CYP4F2: variants seen among roughly 807,000 people sequenced by gnomAD.
CYP4F2 encodes cytochrome P450 family 4 subfamily F member 2, also known as cytochrome P450 4F2.
In CYP4F2, 58 loss-of-function variants were observed where a neutral mutation model predicts 58.9. That is an observed-to-expected ratio of 0.98 (90% CI 0.80 to 1.23). The LOEUF is 1.23. CYP4F2 is among the 50% of genes most tolerant of loss of function. CYP4F2 has a pLI of 0.00. For missense variants in CYP4F2, 616 were observed against 685.6 expected (o/e 0.90, Z 1.13); for synonymous variants, 287 against 261.1 (o/e 1.10, Z -0.95).
intron 5 of CYP4F2, 136 bp from the exon 6 acceptor site, chr19:15,890,569 A>G (rs1337239513): frequency 7.3e-7 from 1 of 1,374,712 alleles, no homozygotes; most frequent in South Asian, 1.4e-5. Flanking sequence ...AGGGAGCACC[A>G]GGTTATGGTG....
Position 15,884,429 on chromosome 19 carries a change from T to A in CYP4F2, c.1115+1495A>T, listed in dbSNP as rs3093178. On this transcript the variant is annotated intron_variant, in intron 9 of 12. Transcript: ENST00000221700. ...CCTAGCACTTGATAGATCAGTGGGT[T>A]CACTATAGTTTACGATATGTACTGT... Among the ~76,000 whole-genome samples the A allele has an allele frequency of 3.5e-3, 528 of 152,304 alleles. 2 individuals are homozygous for A. Among genetic ancestry groups the A allele is most frequent in the African/African-American group, 0.012 (512 of 41,562 alleles).
Position 15,894,059 on chromosome 19 carries a change from G to C in CYP4F2, c.343+1447C>G, listed in dbSNP as rs2089433697. Among the ~76,000 whole-genome samples the C allele has an allele frequency of 2.6e-5, 4 of 152,288 alleles. No individual in the cohort carries two copies. The South Asian group carries it at 8.3e-4, about 32-fold the overall frequency. On this transcript the variant is annotated intron_variant, in intron 3 of 12. Coordinates refer to ENST00000221700, the MANE Select transcript of CYP4F2 (RefSeq NM_001082.5). ...CCATGCAGGACTCTCCAGTCCTTCA[G>C]TTACACAGACAGAAAAGGTCTTTCC... is the stretch of plus-strand genomic sequence containing the variant.
At chr19:15,885,555 G>C (rs1371733198) in intron 9 of CYP4F2, among the ~76,000 whole-genome samples, 1 of 152,166 alleles carries the variant, frequency 6.6e-6, no homozygotes, top group African/African-American at 2.4e-5. Context: ...GACTCGACTG[G>C]AGAGTAGGAA....
rs191783286 is a variant in CYP4F2, at chr19:15,895,908, G to A, written c.199-258C>T. On this transcript the variant is annotated intron_variant, in intron 2 of 12. Transcript: ENST00000221700. ...ATCATCTATTAATAGCCATCTATCCGTCTAATCTATCCATCATATATATCT... is the reference window on the plus strand; with the variant it reads ...ATCATCTATTAATAGCCATCTATCCATCTAATCTATCCATCATATATATCT... 4.8e-3 allele frequency among the ~76,000 whole-genome samples: 495 copies of A among 103,078 alleles called. 7 individuals are homozygous for A. The highest frequency in any genetic ancestry group is 0.012 in the African/African-American group (296 of 24,832). The allele number at this position is 103,078 out of a possible 152,430, so 67.6% of individuals were successfully genotyped here.
chr19:15,886,207 C>A, intron 8 of CYP4F2, 35 bp downstream of exon 8: 1 of 1,613,562 alleles, frequency 6.2e-7, no homozygotes. Flanking sequence ...GGAGAGATCC[C>A]GGTCCCCTCT....
intron 3 of CYP4F2, 23 bp downstream of exon 3, chr19:15,895,483 C>T: frequency 6.8e-7 from 1 of 1,480,980 alleles, no homozygotes; most frequent in East Asian, 2.7e-5. Context: ...ATGCACTGCC[C>T]CACCAGCTGT....
In CYP4F2 at chr19:15,879,607, A is replaced by G. The variant is rs1041830769; in HGVS notation, c.1311T>C (p.Pro437=). Residue 437 remains proline, a synonymous_variant, in exon 11 of 13, where the codon CCT becomes CCC. Transcript: ENST00000221700. Reference sequence around the variant, plus strand: ...AACAGAGAGAGGGGCCCCGCACCTCAGGGTCCGGCCACACAGCTGGGTTGT... The same window carrying G: ...AACAGAGAGAGGGGCCCCGCACCTCGGGGTCCGGCCACACAGCTGGGTTGT... ...THHNPAVWPD[P]EVYDPFRFDP... 6.2e-7 allele frequency: 1 copy of G among 1,614,022 alleles called. No individual in the cohort carries two copies. The highest frequency in any genetic ancestry group is 1.3e-5 in the African/African-American group (1 of 74,936).
chr19:15,895,588 G>A lies in CYP4F2; in HGVS notation c.261C>T (p.Gly87=), dbSNP rs762438385. Residue 87 remains glycine, a synonymous_variant, in exon 3 of 13, where the codon GGC becomes GGT. Coordinates refer to ENST00000221700, the MANE Select transcript of CYP4F2 (RefSeq NM_001082.5). The part of the protein sequence containing the change: ...LTQLVATYPQ[G]FKVWMGPISP... ...AGATGGGTCCCATCCAGACCTTAAA[G>A]CCCTGGGGGTAGGTGGCCACCAGCT... 1.3e-6 allele frequency: 2 copies of A among 1,592,668 alleles called. No homozygotes were observed. Among genetic ancestry groups the A allele is most frequent in the South Asian group, 2.3e-5 (2 of 87,530 alleles).
intron 5 of CYP4F2, among the ~76,000 whole-genome samples, chr19:15,891,204 T>A (rs2089414323): frequency 6.6e-6 from 1 of 152,168 alleles, no homozygotes. Context: ...GCTTTTGCTT[T>A]CTATAAAAGC....
At chr19:15,885,812 C>T (rs1299743683) in intron 9 of CYP4F2, 112 bp downstream of exon 9, 10 of 1,484,732 alleles carry the variant, frequency 6.7e-6, no homozygotes, top group Non-Finnish European at 9.0e-6. Flanking sequence ...GCTCCTATTC[C>T]CACTAGGCAA....
At chr19:15,897,843 G>GAGAC in intron 1 of CYP4F2, 183 bp downstream of exon 1, 1 of 510,158 alleles carries the variant, frequency 2.0e-6, no homozygotes, top group African/African-American at 2.0e-5. Context: ...GAGAGAGAGA[G>GAGAC]ACTGATTAAA....
chr19:15,878,674 T>C lies in CYP4F2; in HGVS notation c.*97A>G, dbSNP rs773437681. Reference sequence around the variant, plus strand: ...TTTTGAGTAGATATCTAGGATGGAATACAGGACTGTGGAACAGGGTCTTAG... The same window carrying C: ...TTTTGAGTAGATATCTAGGATGGAACACAGGACTGTGGAACAGGGTCTTAG... On this transcript the variant is annotated 3_prime_UTR_variant, in exon 13 of 13. Transcript: ENST00000221700. 3 of 1,496,068 alleles carry C rather than the reference T, an allele frequency of 2.0e-6. No individual in the cohort carries two copies. The highest frequency in any genetic ancestry group is 2.7e-6 in the Non-Finnish European group (3 of 1,110,972). The allele number at this position is 1,496,068 out of a possible 1,614,324, so 92.7% of individuals were successfully genotyped here.
rs746187411 is a variant in CYP4F2, at chr19:15,879,826, G to A, written c.1187C>T (p.Pro396Leu). ...KESLRLHPPV[P>L]VISRHVTQDI... Reference sequence around the variant, plus strand: ...CTGGGTGACATGGCGGGAGATGACCGGGACTGGGGGATGCAGCCGCAGGCT... The same window carrying A: ...CTGGGTGACATGGCGGGAGATGACCAGGACTGGGGGATGCAGCCGCAGGCT... The change falls in exon 10 of 13, where the codon CCG (proline) becomes CTG (leucine). Residue 396 changes from proline to leucine, a missense_variant. Coordinates refer to ENST00000221700, the MANE Select transcript of CYP4F2 (RefSeq NM_001082.5). 20 of 1,614,014 alleles carry A rather than the reference G, an allele frequency of 1.2e-5. No individual in the cohort carries two copies. Among genetic ancestry groups the A allele is most frequent in the South Asian group, 5.5e-5 (5 of 91,086 alleles).
intron 8 of CYP4F2, 84 bp from the exon 9 acceptor site, chr19:15,886,137 G>A: frequency 2.5e-6 from 4 of 1,605,744 alleles, no homozygotes; most frequent in Non-Finnish European, 3.4e-6. Flanking sequence ...AGGGCCTCAG[G>A]GAGGATGGGG....
At chr19:15,889,731 T>C (rs1177811030) in intron 6 of CYP4F2, 38 bp from the exon 7 acceptor site, 1 of 1,605,630 alleles carries the variant, frequency 6.2e-7, no homozygotes, top group African/African-American at 1.3e-5. Flanking sequence ...AACAATTTAA[T>C]ATACCTGAAG....
chr19:15,893,740 G>T (rs1022777946), intron 3 of CYP4F2: 3 of 230,662 alleles, frequency 1.3e-5, no homozygotes, highest in South Asian at 8.1e-5. Flanking sequence ...TGTCTACCTG[G>T]AGCAAAGAGC....
In CYP4F2 at chr19:15,886,332, C is replaced by CT. The variant is rs772353253; in HGVS notation, c.919-25_919-24insA. The CT allele has an allele frequency of 6.2e-6, 10 of 1,602,526 alleles. No individual in the cohort carries two copies. The South Asian group carries it at 1.1e-4, about 18-fold the overall frequency. ...TCCTGGAGAGAAGGCAGTAACCCCC[C>CT]CCAACCCCCACCCCCATAAAAAGTC... On this transcript the variant is annotated intron_variant, in intron 7 of 12. Transcript: ENST00000221700.
chr19:15,878,579 C>T lies in CYP4F2; in HGVS notation c.*192G>A, dbSNP rs925776825. The T allele has an allele frequency of 9.5e-5, 86 of 905,894 alleles. No individual in the cohort carries two copies. The highest frequency in any genetic ancestry group is 1.4e-4 in the Non-Finnish European group (84 of 616,098). 56.1% of individuals were successfully genotyped at this position (905,894 alleles called of 1,614,324 possible). Reference sequence around the variant, plus strand: ...GCTTGGGGTTGTTTTCATCGTTTGGCTACTGTGAATAGGGCCGCCATGAAC... The same window carrying T: ...GCTTGGGGTTGTTTTCATCGTTTGGTTACTGTGAATAGGGCCGCCATGAAC... On this transcript the variant is annotated 3_prime_UTR_variant, in exon 13 of 13. Coordinates refer to ENST00000221700, the MANE Select transcript of CYP4F2 (RefSeq NM_001082.5).
intron 2 of CYP4F2, 46 bp from the exon 3 acceptor site, chr19:15,895,696 A>G: frequency 6.4e-7 from 1 of 1,574,276 alleles, no homozygotes; most frequent in Non-Finnish European, 8.6e-7. Context: ...AGTTAATTCT[A>G]GGTGTCTACT....
Sources: allele counts gnomAD v4.1 joint callset (sites outside exome capture counted in the v4.1 genomes callset), GRCh38; gene constraint gnomAD v4.1.1; transcripts MANE v1.5; gene names NCBI Gene and HGNC (gene_info 2026-07-23, HGNC 2026-07-21).